PLCB4: variants seen among roughly 807,000 people sequenced by gnomAD.
PLCB4 encodes the protein phospholipase C beta 4.
Under a neutral mutation model 178.8 loss-of-function variants are expected in PLCB4, and 77 were observed. The observed-to-expected ratio is 0.43, with a 90% CI of 0.36 to 0.52. PLCB4 has a LOEUF of 0.52. Among genes scored for constraint, PLCB4 ranks in the 20% least tolerant of loss-of-function variants. The probability of loss-of-function intolerance (pLI) is 0.00; values close to 1 mark genes in which losing one functional copy is unlikely to be tolerated. For missense variants in PLCB4, 1,024 were observed against 1,453.4 expected (o/e 0.70, Z 4.80); for synonymous variants, 496 against 490.8 (o/e 1.01, Z -0.14).
chr20:9,171,893 A>G (rs1171165636), intron 2 of PLCB4, among the ~76,000 whole-genome samples: 4 of 152,110 alleles, frequency 2.6e-5, no homozygotes, highest in Admixed American at 6.5e-5. Context: ...TCGATCTTCC[A>G]TATTTGGCAG....
intron 12 of PLCB4, among the ~76,000 whole-genome samples, chr20:9,379,815 GA>G (rs1400521346): frequency 6.6e-6 from 1 of 152,048 alleles, no homozygotes; most frequent in Non-Finnish European, 1.5e-5. Context: ...TTTTGAAGGG[GA>G]AAAAATGTAT....
At chr20:9,458,077 T>A (rs1209358917) in intron 34 of PLCB4, among the ~76,000 whole-genome samples, 1 of 151,982 alleles carries the variant, frequency 6.6e-6, no homozygotes, top group African/African-American at 2.4e-5. Flanking sequence ...GCAATGATAG[T>A]TTTTAAATGA....
chr20:9,192,039 A>AT (rs2093411570), intron 2 of PLCB4, among the ~76,000 whole-genome samples: 1 of 152,162 alleles, frequency 6.6e-6, no homozygotes, highest in African/African-American at 2.4e-5. Flanking sequence ...TTCTTGAAAT[A>AT]GATCCTGAGA....
chr20:9,301,918 C>T (rs1188617673), intron 3 of PLCB4, among the ~76,000 whole-genome samples: 1 of 151,876 alleles, frequency 6.6e-6, no homozygotes, highest in Non-Finnish European at 1.5e-5. Context: ...GGCCTCCTTC[C>T]AGTAACTGCT....
intron 39 of PLCB4, 43 bp downstream of exon 39, chr20:9,476,796 C>T (rs780738958): frequency 7.5e-7 from 1 of 1,337,720 alleles, no homozygotes; most frequent in Non-Finnish European, 1.1e-6. Context: ...CTTTCCTTCT[C>T]GACTACGTCC....
chr20:9,153,182 T>C (rs77263975), intron 2 of PLCB4, among the ~76,000 whole-genome samples: 3,509 of 152,220 alleles, frequency 0.023, 105 homozygotes, highest in African/African-American at 0.077. Context: ...CTGTGGACTT[T>C]GGGTTGATGC....
At chr20:9,230,791 T>A (rs1568988072) in intron 3 of PLCB4, among the ~76,000 whole-genome samples, 1 of 152,056 alleles carries the variant, frequency 6.6e-6, no homozygotes. Context: ...CTTGTTCACA[T>A]GACAGCAGCA....
intron 25 of PLCB4, among the ~76,000 whole-genome samples, chr20:9,415,598 ATCCC>A (rs2040185833): frequency 6.6e-6 from 1 of 152,160 alleles, no homozygotes; most frequent in Non-Finnish European, 1.5e-5. Context: ...AAATCCTTGG[ATCCC>A]TGTCTTGGCA....
intron 2 of PLCB4, chr20:9,166,827 G>C (rs1432856110): frequency 6.6e-6 from 1 of 152,096 alleles, no homozygotes; most frequent in Non-Finnish European, 1.5e-5. Flanking sequence ...GGTCCCTGAA[G>C]GTAAGCAGAT....
chr20:9,075,650 C>T (rs942686405), intron 1 of PLCB4, among the ~76,000 whole-genome samples: 5 of 152,204 alleles, frequency 3.3e-5, no homozygotes, highest in Non-Finnish European at 5.9e-5. Flanking sequence ...GTGAGGCTTG[C>T]GCCCATCCAG....
chr20:9,146,747 G>A (rs141164563), intron 2 of PLCB4, among the ~76,000 whole-genome samples: 1 of 152,260 alleles, frequency 6.6e-6, no homozygotes, highest in East Asian at 1.9e-4. Context: ...AGGTGCCGGA[G>A]CCATCTCAGC....
intron 2 of PLCB4, among the ~76,000 whole-genome samples, chr20:9,166,019 T>C (rs1393085986): frequency 6.6e-6 from 1 of 152,162 alleles, no homozygotes; most frequent in Non-Finnish European, 1.5e-5. Context: ...TTTTATTTCC[T>C]TTCTTGAACT....
chr20:9,355,183 GC>G (rs1264770860), intron 7 of PLCB4, among the ~76,000 whole-genome samples: 1 of 152,082 alleles, frequency 6.6e-6, no homozygotes, highest in Non-Finnish European at 1.5e-5. Flanking sequence ...CCTTTAGCCT[GC>G]CCTCAAAGTT....
At chr20:9,198,270 C>G (rs752801356) in intron 2 of PLCB4, among the ~76,000 whole-genome samples, 2 of 152,098 alleles carry the variant, frequency 1.3e-5, no homozygotes, top group Non-Finnish European at 2.9e-5. Flanking sequence ...GAACACATTC[C>G]CCCCCTCTCA....
intron 7 of PLCB4, among the ~76,000 whole-genome samples, chr20:9,360,629 G>A (rs2035240657): frequency 6.6e-6 from 1 of 152,184 alleles, no homozygotes; most frequent in Non-Finnish European, 1.5e-5. Context: ...TGGGCCTGTG[G>A]TTTGTTAGGT....
At position 9,227,042 on chromosome 20, in the gene PLCB4, T is replaced by G. The variant is rs554407545; in HGVS notation, c.-16+9590T>G. ...AAATGGTACCTCCTTGTGGTTTTGC[T>G]TTATATTCCCTAATGACTGATGCTA... On this transcript the variant is annotated intron_variant, in intron 3 of 39. Transcript: ENST00000378473. Among the ~76,000 whole-genome samples the G allele has an allele frequency of 5.9e-5, 9 of 152,302 alleles. No individual in the cohort carries two copies. The East Asian group carries it at 1.7e-3, about 29-fold the overall frequency.
At chr20:9,242,885 C>T (rs993629602) in intron 3 of PLCB4, among the ~76,000 whole-genome samples, 6 of 152,048 alleles carry the variant, frequency 3.9e-5, no homozygotes, top group Admixed American at 6.6e-5. Context: ...GATGTTGATG[C>T]GTGCTCAATT....
At chr20:9,245,613 C>T (rs1000084628) in intron 3 of PLCB4, among the ~76,000 whole-genome samples, 8 of 152,052 alleles carry the variant, frequency 5.3e-5, no homozygotes, top group African/African-American at 1.9e-4. Context: ...CTTCCACCAG[C>T]AGAAGTTGGA....
At chr20:9,098,145 T>C (rs1391698597) in intron 2 of PLCB4, among the ~76,000 whole-genome samples, 1 of 152,180 alleles carries the variant, frequency 6.6e-6, no homozygotes, top group East Asian at 1.9e-4. Flanking sequence ...TTTATTTAAA[T>C]GTTGGCTTCA....
Sources: gnomAD v4.1 joint callset for allele counts (sites outside exome capture counted in the v4.1 genomes callset) on GRCh38, gnomAD v4.1.1 for gene constraint, MANE v1.5 for transcripts, NCBI Gene and HGNC (gene_info 2026-07-23, HGNC 2026-07-21) for gene names.